The following IQSEC1 variants were observed in gnomAD, a reference collection of about 807,000 sequenced individuals.
The protein encoded by IQSEC1 is IQ motif and SEC7 domain-containing protein 1.
In IQSEC1, 31 loss-of-function variants were observed where a neutral mutation model predicts 91.0. The ratio of observed to expected loss-of-function variants is 0.34; its 90% confidence interval spans 0.26 to 0.46. The LOEUF is 0.46. Among genes scored for constraint, IQSEC1 ranks in the 20% least tolerant of loss-of-function variants. IQSEC1 has a pLI of 1.00. For missense variants in IQSEC1, 1,388 were observed against 1,575.6 expected (o/e 0.88, Z 2.02); for synonymous variants, 699 against 662.6 (o/e 1.05, Z -0.84).
intron 1 of IQSEC1, among the ~76,000 whole-genome samples, chr3:13,262,068 A>C (rs1263061176): frequency 1.3e-5 from 2 of 152,228 alleles, no homozygotes; most frequent in African/African-American, 4.8e-5. Flanking sequence ...TCCTGTGACC[A>C]TAAAGCCAGG....
rs1231573370 is a variant in IQSEC1, at chr3:13,264,751, AAC to A, written c.272+17958_272+17959del. ...AGGGCAGGAGGGTCAAAAGGGGTCA[AAC>A]ACATACAGTCTCTGCCTCTCTCGGG... On this transcript the variant is annotated intron_variant, in intron 1 of 15. Transcript: ENST00000648114. 1.2e-4 allele frequency among the ~76,000 whole-genome samples: 18 copies of A among 151,640 alleles called. 1 individual carries two copies. The highest frequency in any genetic ancestry group is 4.1e-4 in the African/African-American group (17 of 41,310).
In IQSEC1 at chr3:12,900,930, C is replaced by T. The variant is rs766270947; in HGVS notation, c.*53G>A. On this transcript the variant is annotated 3_prime_UTR_variant, in exon 14 of 14. Coordinates refer to ENST00000613206, the MANE Select transcript of IQSEC1 (RefSeq NM_001134382.3). ...GTGCGGCTGGCGACCCCCGGGCGTGCCCTGTGTGGTGTGCAGGTGTTTCAG... is the reference window on the plus strand; with the variant it reads ...GTGCGGCTGGCGACCCCCGGGCGTGTCCTGTGTGGTGTGCAGGTGTTTCAG... 1.3e-6 allele frequency: 2 copies of T among 1,537,900 alleles called. No individual in the cohort carries two copies. Among genetic ancestry groups the T allele is most frequent in the South Asian group, 2.4e-5 (2 of 84,052 alleles).
chr3:13,196,472 A>G (rs765563325), intron 1 of IQSEC1, among the ~76,000 whole-genome samples: 22 of 152,204 alleles, frequency 1.4e-4, no homozygotes, highest in Non-Finnish European at 2.6e-4. Flanking sequence ...CCGAGGGCTC[A>G]ATGTGGCTTC....
chr3:13,148,674 C>G (rs1284344701), intron 2 of IQSEC1, among the ~76,000 whole-genome samples: 2 of 152,264 alleles, frequency 1.3e-5, no homozygotes, highest in Admixed American at 6.5e-5. Context: ...CAGGTCACCA[C>G]AGTCCCCGGG....
intron 1 of IQSEC1, among the ~76,000 whole-genome samples, chr3:13,273,910 C>T (rs935257537): frequency 6.6e-6 from 1 of 152,176 alleles, no homozygotes; most frequent in African/African-American, 2.4e-5. Flanking sequence ...CACACTGGTC[C>T]GCTCCCTGCA....
chr3:12,978,470 G>A (rs1025679162), intron 1 of IQSEC1, among the ~76,000 whole-genome samples: 43 of 152,278 alleles, frequency 2.8e-4, no homozygotes, highest in East Asian at 3.9e-4. Context: ...AGACTGAGGC[G>A]GGCGGATCAC....
At position 12,956,548 on chromosome 3, in the gene IQSEC1, G is replaced by A. The variant is rs1033489836; in HGVS notation, c.24-14683C>T. 6.6e-5 allele frequency among the ~76,000 whole-genome samples: 10 copies of A among 152,284 alleles called. No homozygotes were observed. In the East Asian group the frequency reaches 1.4e-3, roughly 21 times the overall value. On this transcript the variant is annotated intron_variant, in intron 1 of 13. Transcript: ENST00000613206. ...AAGCCTCAATTCACCAGACGCCCTC[G>A]TTCCTAAGTTTCCTAGGGTTAGAAT... is the stretch of plus-strand genomic sequence containing the variant.
chr3:13,163,044 C>T (rs997398468), intron 2 of IQSEC1, among the ~76,000 whole-genome samples: 2 of 152,258 alleles, frequency 1.3e-5, no homozygotes, highest in Admixed American at 6.5e-5. Flanking sequence ...GCCTCTGCTT[C>T]CTGCGAGACC....
chr3:13,270,579 G>C (rs868742498), intron 1 of IQSEC1, among the ~76,000 whole-genome samples: 1 of 152,132 alleles, frequency 6.6e-6, no homozygotes, highest in African/African-American at 2.4e-5. Context: ...TTCTCTCTGG[G>C]TGAGGATAAA....
intron 2 of IQSEC1, among the ~76,000 whole-genome samples, chr3:13,163,130 C>T (rs770933933): frequency 6.6e-6 from 1 of 152,116 alleles, no homozygotes; most frequent in Non-Finnish European, 1.5e-5. Context: ...AGCACATAGC[C>T]GACTGCCCCA....
At chr3:12,921,780 G>T (rs1021503637) in intron 5 of IQSEC1, among the ~76,000 whole-genome samples, 11 of 152,178 alleles carry the variant, frequency 7.2e-5, no homozygotes, top group Non-Finnish European at 1.3e-4. Context: ...TGCAGAGCTT[G>T]GGGGGAATTA....
chr3:13,240,860 A>G (rs1265837185), intron 1 of IQSEC1, among the ~76,000 whole-genome samples: 1 of 152,210 alleles, frequency 6.6e-6, no homozygotes, highest in Non-Finnish European at 1.5e-5. Context: ...CTTCACGTTC[A>G]TTGATTTGGA....
intron 1 of IQSEC1, among the ~76,000 whole-genome samples, chr3:13,212,151 GGTT>G (rs1375075991): frequency 2.0e-5 from 3 of 152,158 alleles, no homozygotes; most frequent in African/African-American, 7.2e-5. Flanking sequence ...TTCCCACCAA[GGTT>G]GTTGTGCTAT....
At chr3:12,906,690 G>T (rs763661333) in intron 12 of IQSEC1, among the ~76,000 whole-genome samples, 1 of 152,228 alleles carries the variant, frequency 6.6e-6, no homozygotes, top group East Asian at 1.9e-4. Context: ...ACCTGGGGCC[G>T]GCACGTGGCT....
At chr3:13,127,329 G>C (rs1037391432) in intron 2 of IQSEC1, among the ~76,000 whole-genome samples, 1 of 151,994 alleles carries the variant, frequency 6.6e-6, no homozygotes, top group Non-Finnish European at 1.5e-5. Flanking sequence ...CAGGAGAATC[G>C]CTTGAACCCT....
rs530620326 is a variant in IQSEC1 at position 12,910,287 on chromosome 3, G to T, written c.2417-853C>A. 7.9e-5 allele frequency among the ~76,000 whole-genome samples: 12 copies of T among 152,374 alleles called. No individual in the cohort carries two copies. The South Asian group carries it at 2.5e-3, about 32-fold the overall frequency. ...ACGGCATGTCCTATAGAAGCTGCAG[G>T]CTTGGCTCTTGCCAGCACCCGGCAC... On this transcript the variant is annotated intron_variant, in intron 10 of 13. Coordinates refer to ENST00000613206, the MANE Select transcript of IQSEC1 (RefSeq NM_001134382.3).
Position 13,233,614 on chromosome 3 carries a change from C to CCACTCTCT in IQSEC1, c.272+49089_272+49096dup, listed in dbSNP as rs1694871797. Among the ~76,000 whole-genome samples the CCACTCTCT allele has an allele frequency of 2.6e-5, 4 of 152,192 alleles. No individual in the cohort carries two copies. The South Asian group carries it at 8.3e-4, about 32-fold the overall frequency. On this transcript the variant is annotated intron_variant, in intron 1 of 15. Coordinates refer to the IQSEC1 transcript ENST00000648114. The stretch of plus-strand genomic sequence containing the variant: ...CCTCCCCACCCAGCTCGACATAACC[C>CCACTCTCT]CACTCTCTTCCCTTCCTCCCCTCCG...
chr3:13,168,627 C>T lies in IQSEC1; in HGVS notation c.273-4494G>A, dbSNP rs35878297. Reference sequence around the variant, plus strand: ...TCCACCTTCTTAGGGTTCCAGTTTCCCCTCGGCTCCCCACTGCAGCCACAC... The same window carrying T: ...TCCACCTTCTTAGGGTTCCAGTTTCTCCTCGGCTCCCCACTGCAGCCACAC... On this transcript the variant is annotated intron_variant, in intron 1 of 15. Coordinates refer to the IQSEC1 transcript ENST00000648114. Among the ~76,000 whole-genome samples the T allele has an allele frequency of 1.4e-3, 207 of 152,186 alleles. 1 individual carries two copies. The highest frequency in any genetic ancestry group is 2.5e-3 in the Non-Finnish European group (173 of 68,034).
intron 1 of IQSEC1, among the ~76,000 whole-genome samples, chr3:13,280,267 T>C (rs1023530042): frequency 6.6e-6 from 1 of 152,218 alleles, no homozygotes; most frequent in Non-Finnish European, 1.5e-5. Context: ...CTTCCTCTTA[T>C]GTTTCCAAGC....
Sources: gnomAD v4.1 joint callset for allele counts (sites outside exome capture counted in the v4.1 genomes callset) on GRCh38, gnomAD v4.1.1 for gene constraint, MANE v1.5 for transcripts, NCBI Gene and HGNC (gene_info 2026-07-23, HGNC 2026-07-21) for gene names.